Variants in MYO7A observed in about 807,000 individuals in gnomAD.
The protein encoded by MYO7A is myosin VIIA.
A neutral mutation model predicts 263.8 loss-of-function variants in MYO7A; 210 were observed. The ratio of observed to expected loss-of-function variants is 0.80; its 90% CI spans 0.71 to 0.89. MYO7A has a LOEUF of 0.89. Among genes scored for constraint, MYO7A ranks in the 40% least tolerant of loss-of-function variants. The probability of loss-of-function intolerance (pLI) is 0.00; values close to 1 mark genes in which losing one functional copy is unlikely to be tolerated. For synonymous variants in MYO7A, 1,239 were observed against 1,197.3 expected (o/e 1.03, Z -0.72); for missense variants, 2,820 against 2,968.3 (o/e 0.95, Z 1.16).
chr11:77,208,430 G>T lies in MYO7A; in HGVS notation c.5857G>T (p.Val1953Phe), dbSNP rs1252549431. Reference sequence around the variant, plus strand: ...TGTGCTTCGATGGCCCTGACCCCAGGTCCTCAGCGTTCCTGAGAATGACTT... The same window carrying T: ...TGTGCTTCGATGGCCCTGACCCCAGTTCCTCAGCGTTCCTGAGAATGACTT... ...FSLFVKIADK[V>F]LSVPENDFFF... Residue 1953 changes from valine to phenylalanine, a missense_variant and splice_region_variant, in exon 43 of 49, where the codon GTC (valine) becomes TTC (phenylalanine). By Grantham distance (50) the Val-to-Phe change is conservative (BLOSUM62 -1). Coordinates refer to ENST00000409709, the MANE Select transcript of MYO7A (RefSeq NM_000260.4). 4 of 1,610,554 alleles carry T rather than the reference G, an allele frequency of 2.5e-6. No homozygotes were observed. Among genetic ancestry groups the T allele is most frequent in the South Asian group, 1.1e-5 (1 of 90,768 alleles).
In MYO7A at chr11:77,190,681, C is replaced by G; in HGVS notation, c.3751-16C>G. The G allele has an allele frequency of 6.3e-7, 1 of 1,576,718 alleles. No individual in the cohort carries two copies. Among genetic ancestry groups the G allele is most frequent in the Non-Finnish European group, 8.6e-7 (1 of 1,163,100 alleles). On this transcript the variant is annotated splice_polypyrimidine_tract_variant and intron_variant, in intron 29 of 48. Coordinates refer to ENST00000409709, the MANE Select transcript of MYO7A (RefSeq NM_000260.4). Reference sequence around the variant, plus strand: ...GAAGGGAAGGGACCCCACAAACCCTCTTGGGGCACTTCCAGGCCACCAAGT... The same window carrying G: ...GAAGGGAAGGGACCCCACAAACCCTGTTGGGGCACTTCCAGGCCACCAAGT...
chr11:77,181,756 G>A (rs1443841375), intron 23 of MYO7A, among the ~76,000 whole-genome samples, 167 bp downstream of exon 23: 2 of 145,986 alleles, frequency 1.4e-5, no homozygotes, highest in East Asian at 2.0e-4. Context: ...CCTCTCCAAC[G>A]CCCTTCTCAA....
At position 77,201,610 on chromosome 11, in the gene MYO7A, C is replaced by G. The variant is rs1565465044; in HGVS notation, c.5015C>G (p.Thr1672Ser). Residue 1672 changes from threonine to serine, a missense_variant, in exon 36 of 49, where the codon ACT (threonine) becomes AGT (serine). Physicochemically the swap from Thr to Ser is moderately conservative, Grantham distance 58. Transcript: ENST00000409709. ...ACCGACAGTGTGTACGTCATGCCCA[C>G]TGTCACCATGCCACCGCGGGAGATT... ...FPTDSVYVMP[T>S]VTMPPREIVA... 2 of 1,613,796 alleles carry G rather than the reference C, an allele frequency of 1.2e-6. No homozygotes were observed. The highest frequency in any genetic ancestry group is 1.7e-6 in the Non-Finnish European group (2 of 1,179,800).
chr11:77,145,342 G>A (rs558669324), intron 3 of MYO7A, among the ~76,000 whole-genome samples: 3 of 152,218 alleles, frequency 2.0e-5, no homozygotes, highest in African/African-American at 7.2e-5. Context: ...GGGAAGAAGG[G>A]ATTCTTACTC....
intron 12 of MYO7A, 59 bp from the exon 13 acceptor site, chr11:77,162,061 C>A: frequency 6.7e-7 from 1 of 1,487,138 alleles, no homozygotes; most frequent in Non-Finnish European, 9.2e-7. Flanking sequence ...CAGAGCCAGG[C>A]CCTGAACAGC....
chr11:77,213,108 C>G, intron 47 of MYO7A, 73 bp downstream of exon 47: 7 of 1,190,212 alleles, frequency 5.9e-6, no homozygotes, highest in Non-Finnish European at 7.3e-6. Flanking sequence ...CAGAACGAAC[C>G]CCACAAGCCC....
At position 77,138,953 on chromosome 11, in the gene MYO7A, G is replaced by C. The variant is rs370854703; in HGVS notation, c.19-3756G>C. Among the ~76,000 whole-genome samples, 137 of 152,372 alleles carry C rather than the reference G, an allele frequency of 9.0e-4. 2 individuals are homozygous for C. The South Asian group carries it at 0.027, about 30-fold the overall frequency. Reference sequence around the variant, plus strand: ...GATTCCTTTTCACTCCACAAACAGGGACTGGCCCCAGGCCTGGTCCCAGAG... The same window carrying C: ...GATTCCTTTTCACTCCACAAACAGGCACTGGCCCCAGGCCTGGTCCCAGAG... On this transcript the variant is annotated intron_variant, in intron 2 of 48. Coordinates refer to ENST00000409709, the MANE Select transcript of MYO7A (RefSeq NM_000260.4). This position sits in a 1 kb window ranked among gnomAD's most constrained non-coding sequence, Gnocchi z 4.9.
At chr11:77,147,725 C>A in intron 3 of MYO7A, 73 bp from the exon 4 acceptor site, 1 of 1,570,068 alleles carries the variant, frequency 6.4e-7, no homozygotes, top group Non-Finnish European at 8.6e-7. Flanking sequence ...CGCTCCCGCC[C>A]GTCCCGGCCC....
intron 39 of MYO7A, 71 bp from the exon 40 acceptor site, chr11:77,205,391 C>T: frequency 2.0e-6 from 3 of 1,500,092 alleles, no homozygotes; most frequent in South Asian, 1.3e-5. Flanking sequence ...GGCCCCCTCA[C>T]CCGGGGGTGC....
At chr11:77,163,087 A>T (rs1953167010) in intron 14 of MYO7A, 99 bp downstream of exon 14, 1 of 1,390,796 alleles carries the variant, frequency 7.2e-7, no homozygotes, top group South Asian at 1.3e-5. Flanking sequence ...AAAGATTTTT[A>T]AAAATTGTGA....
chr11:77,214,913 C>T lies in MYO7A; in HGVS notation c.*217C>T, dbSNP rs1958055570. The stretch of plus-strand genomic sequence containing the variant: ...TTCCCTCCATCCACCCCTCTGGCAC[C>T]TGGGTTGGTCTAATCCTAGTTTGCT... On this transcript the variant is annotated 3_prime_UTR_variant, in exon 49 of 49. Transcript: ENST00000409709. 1 of 540,648 alleles carries T rather than the reference C, an allele frequency of 1.8e-6. No individual in the cohort carries two copies. Among genetic ancestry groups the T allele is most frequent in the East Asian group, 3.1e-5 (1 of 32,698 alleles). The allele number at this position is 540,648 out of a possible 1,614,324, so 33.5% of individuals were successfully genotyped here. A position where few individuals can be genotyped will look rare whatever the true frequency, so the allele number is the denominator to read the frequency against.
chr11:77,157,146 C>G, intron 7 of MYO7A, 133 bp from the exon 8 acceptor site: 1 of 1,412,472 alleles, frequency 7.1e-7, no homozygotes, highest in Non-Finnish European at 9.8e-7. Flanking sequence ...GCTGGAAATC[C>G]CACCATGAAA....
At position 77,181,731 on chromosome 11, in the gene MYO7A, G is replaced by A. The variant is rs56333771; in HGVS notation, c.2904+142G>A. 0.071 allele frequency: 60,890 copies of A among 861,584 alleles called. 2,702 individuals carry two copies. Among genetic ancestry groups the A allele is most frequent in the East Asian group, 0.16 (6,011 of 37,422 alleles). 53.4% of individuals were successfully genotyped at this position (861,584 alleles called of 1,614,324 possible). A position where few individuals can be genotyped will look rare whatever the true frequency, so the allele number is the denominator to read the frequency against. ...GAGATGAACTGGGTCCGGGCTGCAG[G>A]TCCCAGGTCCTGTCCCTCTCCAACG... On this transcript the variant is annotated intron_variant, in intron 23 of 48. Coordinates refer to ENST00000409709, the MANE Select transcript of MYO7A (RefSeq NM_000260.4).
chr11:77,169,219 A>G (rs1555074486), intron 15 of MYO7A, among the ~76,000 whole-genome samples: 1 of 152,264 alleles, frequency 6.6e-6, no homozygotes, highest in Non-Finnish European at 1.5e-5. Context: ...CATCATCGGC[A>G]GATCCCCGAG....
rs1030880633 is a variant in MYO7A at position 77,194,279 on chromosome 11, G to C, written c.4153-75G>C. On this transcript the variant is annotated intron_variant, in intron 31 of 48. Coordinates refer to ENST00000409709, the MANE Select transcript of MYO7A (RefSeq NM_000260.4). ...GGAGGCAGGGCCAGGAGAGGGGCCTGGAGCCTTTGGTGGTGTGGAAGGGCT... is the reference window on the plus strand; with the variant it reads ...GGAGGCAGGGCCAGGAGAGGGGCCTCGAGCCTTTGGTGGTGTGGAAGGGCT... The C allele has an allele frequency of 3.3e-6, 5 of 1,522,970 alleles. No homozygotes were observed. In the South Asian group the frequency reaches 6.0e-5, roughly 18 times the overall value. The allele number at this position is 1,522,970 out of a possible 1,614,324, so 94.3% of individuals were successfully genotyped here. A position where few individuals can be genotyped will look rare whatever the true frequency, so the allele number is the denominator to read the frequency against.
chr11:77,150,619 C>T (rs986292576), intron 4 of MYO7A, among the ~76,000 whole-genome samples: 2 of 152,140 alleles, frequency 1.3e-5, no homozygotes, highest in Admixed American at 6.5e-5. Flanking sequence ...GAGGCAGGGC[C>T]GTCCCCTGTG....
intron 34 of MYO7A, among the ~76,000 whole-genome samples, chr11:77,198,969 A>G (rs538139972): frequency 4.6e-5 from 7 of 152,330 alleles, no homozygotes; most frequent in Admixed American, 3.3e-4. Context: ...CTCGCATAAC[A>G]GTGGTGGGGA....
chr11:77,145,806 G>A (rs552347914), intron 3 of MYO7A, among the ~76,000 whole-genome samples: 77 of 152,206 alleles, frequency 5.1e-4, no homozygotes, highest in South Asian at 2.5e-3. Context: ...TCTGTCCAGC[G>A]CAGCCCCTAA....
chr11:77,205,442 G>A lies in MYO7A; in HGVS notation c.5481-20G>A. 3 of 1,551,850 alleles carry A rather than the reference G, an allele frequency of 1.9e-6. No homozygotes were observed. The highest frequency in any genetic ancestry group is 2.6e-6 in the Non-Finnish European group (3 of 1,147,580). ...CCCGATGGCAGCTGCCCCTGCTGGA[G>A]CCCACGCCTCCTCCTGCAGGTACAG... On this transcript the variant is annotated intron_variant, in intron 39 of 48. Transcript: ENST00000409709.
Sources: gnomAD v4.1 joint callset for allele counts (sites outside exome capture counted in the v4.1 genomes callset) on GRCh38, gnomAD v4.1.1 for gene constraint, Gnocchi (gnomAD v3.1) non-coding constraint, MANE v1.5 for transcripts, NCBI Gene and HGNC (gene_info 2026-07-23, HGNC 2026-07-21) for gene names.